SDAD1: variants seen among roughly 807,000 people sequenced by gnomAD.
The protein encoded by SDAD1 is SDA1 domain containing 1.
SDAD1 carries 79 observed loss-of-function variants against 100.3 expected under a neutral mutation model. The observed-to-expected ratio is 0.79, with a 90% confidence interval of 0.66 to 0.95. The LOEUF is 0.95. SDAD1 is among the 40% of genes least tolerant of loss of function. The probability of loss-of-function intolerance (pLI) is 0.00; values close to 1 mark genes in which losing one functional copy is unlikely to be tolerated. For missense variants in SDAD1, 790 were observed against 810.9 expected (o/e 0.97, Z 0.31); for synonymous variants, 267 against 271.4 (o/e 0.98, Z 0.16).
chr4:75,962,141 A>G (rs950462116), intron 14 of SDAD1, among the ~76,000 whole-genome samples: 7 of 152,176 alleles, frequency 4.6e-5, no homozygotes, highest in African/African-American at 1.4e-4. Flanking sequence ...GAGTGAGAAC[A>G]TGTGGTGTTT....
chr4:75,955,380 T>C (rs1728831869), intron 21 of SDAD1, among the ~76,000 whole-genome samples: 1 of 152,086 alleles, frequency 6.6e-6, no homozygotes, highest in East Asian at 1.9e-4. Context: ...CTTGTGTGTG[T>C]CTTTTATTTC....
chr4:75,958,003 G>A, intron 17 of SDAD1, 62 bp from the exon 18 acceptor site: 1 of 1,323,608 alleles, frequency 7.6e-7, no homozygotes, highest in Admixed American at 1.7e-5. Context: ...ATAAAGTTGA[G>A]ATGAAGCAAG....
intron 1 of SDAD1, among the ~76,000 whole-genome samples, chr4:75,985,160 A>T (rs1245891689): frequency 1.3e-5 from 2 of 151,950 alleles, no homozygotes; most frequent in Admixed American, 1.3e-4. Context: ...GATGATCAGG[A>T]CTAATCTCAT....
intron 10 of SDAD1, 50 bp from the exon 11 acceptor site, chr4:75,969,449 G>T: frequency 1.6e-6 from 2 of 1,235,700 alleles, no homozygotes; most frequent in South Asian, 1.3e-5. Context: ...TGGTCTATGT[G>T]ACATTTATGT....
rs755214012 is a variant in SDAD1 at position 75,957,472 on chromosome 4, T to C, written c.1769+46A>G. ...GAATTCTGTTTCCTGATGCTTTCAT[T>C]ACCACATGAGCTGACTGAAGTACTA... is the stretch of plus-strand genomic sequence containing the variant. On this transcript the variant is annotated intron_variant, in intron 19 of 21. Coordinates refer to ENST00000356260, the MANE Select transcript of SDAD1 (RefSeq NM_018115.4). 2.5e-6 allele frequency: 4 copies of C among 1,611,536 alleles called. No individual in the cohort carries two copies. In the South Asian group the frequency reaches 4.4e-5, roughly 18 times the overall value.
intron 1 of SDAD1, among the ~76,000 whole-genome samples, chr4:75,986,890 C>T (rs1269815085): frequency 1.3e-5 from 2 of 151,900 alleles, no homozygotes; most frequent in African/African-American, 2.4e-5. Flanking sequence ...GGTGGTTGCA[C>T]ACTTGTGGTC....
At chr4:75,963,701 C>G (rs1729380401) in intron 14 of SDAD1, among the ~76,000 whole-genome samples, 1 of 152,126 alleles carries the variant, frequency 6.6e-6, no homozygotes, top group South Asian at 2.1e-4. Context: ...CTCTTGTGCT[C>G]TCTTCCCCTT....
intron 12 of SDAD1, among the ~76,000 whole-genome samples, chr4:75,966,056 C>T (rs552695087): frequency 2.0e-5 from 3 of 152,086 alleles, no homozygotes; most frequent in African/African-American, 7.2e-5. Context: ...CAGAACCCGT[C>T]CCGACACTCC....
chr4:75,956,579 T>C (rs1159938740), intron 20 of SDAD1, among the ~76,000 whole-genome samples: 1 of 151,958 alleles, frequency 6.6e-6, no homozygotes, highest in Admixed American at 6.6e-5. Context: ...CAAGTGGAGA[T>C]ACAGAAAATG....
At chr4:75,951,003 C>T (rs866676527) in intron 21 of SDAD1, among the ~76,000 whole-genome samples, 3 of 152,152 alleles carry the variant, frequency 2.0e-5, no homozygotes, top group South Asian at 2.1e-4. Flanking sequence ...CTCTTGACTG[C>T]TGTTCCCAAC....
In SDAD1 at chr4:75,965,823, C is replaced by T; in HGVS notation, c.1046-1G>A. 6.2e-7 allele frequency: 1 copy of T among 1,613,334 alleles called. No individual in the cohort carries two copies. On this transcript the variant is annotated splice_acceptor_variant, in intron 12 of 21. Coordinates refer to ENST00000356260, the MANE Select transcript of SDAD1 (RefSeq NM_018115.4). LOFTEE classifies it high-confidence loss of function. ...GCAAACAGAAGGATCTTGGTTACTT[C>T]TGAAAACATAAGAGAACAGAAAGGT...
At chr4:75,960,998 T>G in intron 16 of SDAD1, 30 bp downstream of exon 16, 2 of 1,593,860 alleles carry the variant, frequency 1.3e-6, no homozygotes, top group African/African-American at 2.7e-5. Flanking sequence ...GACCATAACC[T>G]TTAGACCAAC....
intron 17 of SDAD1, among the ~76,000 whole-genome samples, chr4:75,959,097 C>CAAAAAAAAAAAAAAAAAAAAAA (rs61245198): frequency 1.8e-5 from 1 of 54,986 alleles, no homozygotes; most frequent in Non-Finnish European, 3.1e-5. Flanking sequence ...GACTCTGTCT[C>CAAAAAAAAAAAAAAAAAAAAAA]AAAAAAAAAA....
At chr4:75,977,522 C>A in intron 4 of SDAD1, 124 bp downstream of exon 4, 1 of 706,204 alleles carries the variant, frequency 1.4e-6, no homozygotes, top group South Asian at 1.6e-5. Context: ...ATAGCATGCA[C>A]ACAATGGTTG....
intron 2 of SDAD1, 185 bp from the exon 3 acceptor site, chr4:75,981,655 C>T: frequency 9.7e-7 from 1 of 1,029,828 alleles, no homozygotes; most frequent in East Asian, 2.6e-5. Flanking sequence ...TTTCTCTAGT[C>T]TTAGTAATAT....
chr4:75,975,707 G>GA (rs768705997), intron 6 of SDAD1, 37 bp downstream of exon 6: 4 of 1,379,382 alleles, frequency 2.9e-6, no homozygotes, highest in Non-Finnish European at 4.1e-6. Flanking sequence ...AATGAAAAAA[G>GA]AGTCTACTTC....
intron 14 of SDAD1, 140 bp downstream of exon 14, chr4:75,963,995 C>A: frequency 1.8e-6 from 1 of 570,860 alleles, no homozygotes; most frequent in South Asian, 2.2e-5. Flanking sequence ...AATTATCAAG[C>A]CTCCCAAAAA....
chr4:75,967,665 G>A (rs1729623559), intron 11 of SDAD1, among the ~76,000 whole-genome samples: 1 of 152,184 alleles, frequency 6.6e-6, no homozygotes, highest in Non-Finnish European at 1.5e-5. Context: ...GTGTTCTAAG[G>A]AGAGGGGATT....
chr4:75,961,889 T>C (rs1428881697), intron 14 of SDAD1, among the ~76,000 whole-genome samples: 1 of 152,004 alleles, frequency 6.6e-6, no homozygotes, highest in African/African-American at 2.4e-5. Context: ...GAGGAGAGAC[T>C]TTTTTTTCAC....
Sources: allele counts gnomAD v4.1 joint callset (sites outside exome capture counted in the v4.1 genomes callset), GRCh38; gene constraint gnomAD v4.1.1; transcripts MANE v1.5; gene names NCBI Gene and HGNC (gene_info 2026-07-23, HGNC 2026-07-21).